Variants in NEK4 observed in about 807,000 individuals in gnomAD.
The protein encoded by NEK4 is serine/threonine-protein kinase Nek4.
A neutral mutation model predicts 98.4 loss-of-function variants in NEK4; 86 were observed. The observed-to-expected ratio is 0.87, with a 90% CI of 0.73 to 1.05. The LOEUF is 1.05. Among genes scored for constraint, NEK4 ranks in the 50% least tolerant of loss-of-function variants. The pLI is 0.00. For synonymous variants in NEK4, 328 were observed against 342.2 expected (o/e 0.96, Z 0.46); for missense variants, 898 against 950.3 (o/e 0.94, Z 0.72).
chr3:52,758,035 C>T (rs6763182), intron 6 of NEK4, among the ~76,000 whole-genome samples: 1,897 of 151,924 alleles, frequency 0.012, 47 homozygotes, highest in African/African-American at 0.044. Context: ...AAAAATTAGC[C>T]AGATGTTGTG....
Position 52,752,193 on chromosome 3 carries a change from G to C in NEK4, c.1107C>G (p.Ile369Met). The change falls in exon 7 of 16, where the codon ATC becomes ATG. Residue 369 changes from isoleucine (I) to methionine (M), a missense_variant. By Grantham distance (10) the Ile-to-Met change is conservative. Coordinates refer to ENST00000233027, the MANE Select transcript of NEK4 (RefSeq NM_003157.6). Reference sequence around the variant, plus strand: ...CTGAATCCCTCCCTTTTGCAGGTAAGATGTCAATATTTACGCTACTGATTG... The same window carrying C: ...CTGAATCCCTCCCTTTTGCAGGTAACATGTCAATATTTACGCTACTGATTG... ...LATISSVNID[I>M]LPAKGRDSVS... 6.2e-7 allele frequency: 1 copy of C among 1,614,162 alleles called. No individual in the cohort carries two copies. The highest frequency in any genetic ancestry group is 8.5e-7 in the Non-Finnish European group (1 of 1,180,034).
chr3:52,760,735 A>G, intron 6 of NEK4, 60 bp downstream of exon 6: 1 of 1,145,530 alleles, frequency 8.7e-7, no homozygotes, highest in Non-Finnish European at 1.3e-6. Flanking sequence ...TAATTTGCTT[A>G]GATGGCCCAT....
intron 9 of NEK4, 28 bp from the exon 10 acceptor site, chr3:52,746,238 A>C (rs369355913): frequency 5.8e-5 from 93 of 1,604,856 alleles, no homozygotes; most frequent in Non-Finnish European, 7.2e-5. Context: ...GAAGATTATC[A>C]GTTTCATATA....
rs200129680 is a variant in NEK4 at position 52,746,845 on chromosome 3, C to T, written c.1566G>A (p.Gln522=). 2.6e-5 allele frequency: 42 copies of T among 1,613,770 alleles called. No homozygotes were observed. The highest frequency in any genetic ancestry group is 3.2e-5 in the Non-Finnish European group (38 of 1,179,810). Residue 522 remains glutamine (Q), a synonymous_variant, in exon 9 of 16, where the codon CAG becomes CAA. Transcript: ENST00000233027. ...EKQGRIHPDL[Q]PHNSGSEPSL... is the part of the protein sequence containing the mutation. ...AAGGTTCAGACCCAGAGTTGTGTGG[C>T]TGTAAATCTGGGTGGATTCTGCCCT...
At chr3:52,726,457 G>C (rs1424748417) in intron 15 of NEK4, among the ~76,000 whole-genome samples, 1 of 151,982 alleles carries the variant, frequency 6.6e-6, no homozygotes, top group Non-Finnish European at 1.5e-5. Flanking sequence ...AAATTAGCTG[G>C]GCATGGTGGC....
chr3:52,755,276 T>C (rs1007872701), intron 6 of NEK4, among the ~76,000 whole-genome samples: 6 of 152,188 alleles, frequency 3.9e-5, no homozygotes, highest in Middle Eastern at 6.8e-3. Context: ...TAGAAAATTA[T>C]TGCTCAATGG....
At chr3:52,747,235 T>A (rs2097397712) in intron 8 of NEK4, 1 of 202,976 alleles carries the variant, frequency 4.9e-6, no homozygotes, top group South Asian at 7.8e-5. Flanking sequence ...GGCAGGCAGA[T>A]CACAAGGTCA....
intron 15 of NEK4, among the ~76,000 whole-genome samples, chr3:52,725,594 G>T (rs1040225716): frequency 6.6e-6 from 1 of 151,868 alleles, no homozygotes. Context: ...GAAGGATTTG[G>T]GGCAGAGCTG....
chr3:52,763,297 A>G (rs866458076), intron 5 of NEK4, among the ~76,000 whole-genome samples, 173 bp downstream of exon 5: 2 of 152,246 alleles, frequency 1.3e-5, no homozygotes, highest in African/African-American at 4.8e-5. Context: ...TCTCAAGCTC[A>G]GCCAAGAAAC....
intron 15 of NEK4, among the ~76,000 whole-genome samples, chr3:52,730,099 T>A (rs1473384509): frequency 6.6e-6 from 1 of 152,140 alleles, no homozygotes; most frequent in African/African-American, 2.4e-5. Context: ...AGAGCGAGAC[T>A]CTATCTCAAA....
chr3:52,754,924 A>G (rs2097412147), intron 6 of NEK4, among the ~76,000 whole-genome samples: 2 of 152,020 alleles, frequency 1.3e-5, no homozygotes, highest in Admixed American at 1.3e-4. Context: ...ATGCAAAAAA[A>G]TTAGCCGGGC....
At chr3:52,761,053 G>C (rs1343017500) in intron 5 of NEK4, 117 bp from the exon 6 acceptor site, 2 of 653,798 alleles carry the variant, frequency 3.1e-6, no homozygotes, top group Non-Finnish European at 5.1e-6. Context: ...ACCATTTATA[G>C]AGAATAGTTT....
chr3:52,712,872 A>G (rs750407763), intron 15 of NEK4, among the ~76,000 whole-genome samples: 16 of 151,942 alleles, frequency 1.1e-4, no homozygotes, highest in Non-Finnish European at 1.6e-4. Context: ...TCAACATCCA[A>G]CCTCTTATCT....
At position 52,766,339 on chromosome 3, in the gene NEK4, T is replaced by C. The variant is rs773322989; in HGVS notation, c.397A>G (p.Lys133Glu). 1.2e-6 allele frequency: 2 copies of C among 1,614,056 alleles called. No individual in the cohort carries two copies. The highest frequency in any genetic ancestry group is 1.7e-6 in the Non-Finnish European group (2 of 1,179,916). The change falls in exon 3 of 16, where the codon AAA becomes GAA. Residue 133 changes from lysine (K) to glutamate (E), a missense_variant. Coordinates refer to ENST00000233027, the MANE Select transcript of NEK4 (RefSeq NM_003157.6). Reference protein sequence around the residue: ...HEKHILHRDLKTQNVFLTRTN... With the variant: ...HEKHILHRDLETQNVFLTRTN... ...CTTGTTAGGAAGACATTTTGAGTTT[T>C]CAGATCTCGATGAAGGATGTGTTTT...
intron 15 of NEK4, among the ~76,000 whole-genome samples, chr3:52,712,642 C>A (rs1233905342): frequency 6.6e-6 from 1 of 152,224 alleles, no homozygotes; most frequent in African/African-American, 2.4e-5. Context: ...TAGCTCTCAG[C>A]AGATGCGGGA....
intron 8 of NEK4, among the ~76,000 whole-genome samples, chr3:52,748,730 T>C (rs1448458481): frequency 6.6e-6 from 1 of 152,180 alleles, no homozygotes; most frequent in Non-Finnish European, 1.5e-5. Context: ...GTATTACTAT[T>C]TCAGGATTAG....
intron 15 of NEK4, among the ~76,000 whole-genome samples, chr3:52,735,646 A>C (rs1578644818): frequency 6.6e-6 from 1 of 152,356 alleles, no homozygotes; most frequent in East Asian, 1.9e-4. Flanking sequence ...CCCAAAAATA[A>C]GAGAAAAAGA....
chr3:52,714,396 A>T (rs2097353178), intron 15 of NEK4, among the ~76,000 whole-genome samples: 1 of 152,226 alleles, frequency 6.6e-6, no homozygotes, highest in Non-Finnish European at 1.5e-5. Context: ...GGGAGGTGTG[A>T]GCGGTGATGG....
chr3:52,752,620 C>CCAGG, intron 6 of NEK4, among the ~76,000 whole-genome samples: 1 of 152,036 alleles, frequency 6.6e-6, no homozygotes, highest in Non-Finnish European at 1.5e-5. Flanking sequence ...GTAAATACTG[C>CCAGG]CAGGCACGGT....
Sources: allele counts gnomAD v4.1 joint callset (sites outside exome capture counted in the v4.1 genomes callset), GRCh38; gene constraint gnomAD v4.1.1; transcripts MANE v1.5; gene names NCBI Gene and HGNC (gene_info 2026-07-23, HGNC 2026-07-21).